The following DENND4A variants were observed in gnomAD, a reference collection of about 807,000 sequenced individuals.
DENND4A encodes the protein C-myc promoter-binding protein.
In DENND4A, 70 loss-of-function variants were observed where a neutral mutation model predicts 199.3. The ratio of observed to expected loss-of-function variants is 0.35; its 90% CI spans 0.29 to 0.43. DENND4A has a LOEUF of 0.43. Ranked by LOEUF, DENND4A falls within the 20% of genes least tolerant of loss-of-function variation. The pLI, the probability that DENND4A is intolerant of heterozygous loss-of-function variation, is 1.00. For missense variants in DENND4A, 1,723 were observed against 2,255.8 expected, an observed-to-expected ratio of 0.76 and a Z score of 4.78; for synonymous variants, 686 against 766.9, an observed-to-expected ratio of 0.89 and a Z score of 1.74.
chr15:65,716,420 A>C (rs1376778697), intron 13 of DENND4A, among the ~76,000 whole-genome samples: 2 of 109,338 alleles, frequency 1.8e-5, no homozygotes, highest in African/African-American at 7.3e-5. Context: ...AACAGTCCCC[A>C]GAGTGTGATG....
At chr15:65,679,282 T>C (rs867001676) in intron 23 of DENND4A, among the ~76,000 whole-genome samples, 4 of 151,006 alleles carry the variant, frequency 2.6e-5, no homozygotes, top group South Asian at 2.1e-4. Flanking sequence ...TTTGTATTTT[T>C]AGTAGAGATG....
intron 25 of DENND4A, 63 bp from the exon 26 acceptor site, chr15:65,670,251 A>ATGGT: frequency 2.3e-6 from 3 of 1,281,260 alleles, no homozygotes; most frequent in Non-Finnish European, 2.1e-6. Flanking sequence ...ATTAAAAACC[A>ATGGT]TTTCAATTCA....
chr15:65,760,414 C>G (rs1443364366), intron 2 of DENND4A, among the ~76,000 whole-genome samples: 1 of 152,180 alleles, frequency 6.6e-6, no homozygotes, highest in Non-Finnish European at 1.5e-5. Flanking sequence ...AGGGGAATTG[C>G]TTGAACCTGG....
intron 23 of DENND4A, among the ~76,000 whole-genome samples, chr15:65,677,927 C>CT (rs11071847): frequency 0.2 from 20,059 of 100,034 alleles, 2,732 homozygotes; most frequent in East Asian, 0.73. Context: ...CCTCTTATCT[C>CT]TTTTTTTTTT....
intron 4 of DENND4A, among the ~76,000 whole-genome samples, chr15:65,748,697 A>C (rs2076479575): frequency 6.6e-6 from 1 of 151,730 alleles, no homozygotes; most frequent in Non-Finnish European, 1.5e-5. Context: ...GTGATTAAAA[A>C]CCCAATTGTT....
chr15:65,729,192 A>G lies in DENND4A; in HGVS notation c.1367T>C (p.Leu456Ser). The G allele has an allele frequency of 6.3e-7, 1 of 1,588,846 alleles. No individual in the cohort carries two copies. Residue 456 changes from leucine to serine, a missense_variant, in exon 11 of 33, where the codon TTA (leucine) becomes TCA (serine). Physicochemically the swap from Leu to Ser is moderately radical, Grantham distance 145 (BLOSUM62 -2). Transcript: ENST00000443035. ...CPYVPLCPLALADVLSAPCPF... is the reference protein window; with the variant it reads ...CPYVPLCPLASADVLSAPCPF... ...ACATGGTGCACTCAAGACATCTGCT[A>G]AAGCCAGTGGGCAGAGAGGAACATA...
intron 14 of DENND4A, among the ~76,000 whole-genome samples, chr15:65,711,859 C>G (rs909731031): frequency 6.6e-6 from 1 of 152,172 alleles, no homozygotes; most frequent in Non-Finnish European, 1.5e-5. Flanking sequence ...CAGGGTCTCA[C>G]TACGTTGCCC....
At chr15:65,738,563 C>T in intron 6 of DENND4A, 143 bp downstream of exon 6, 1 of 663,870 alleles carries the variant, frequency 1.5e-6, no homozygotes, top group Non-Finnish European at 2.3e-6. Flanking sequence ...TTCCTATGTC[C>T]CTGGATACAG....
In DENND4A at chr15:65,733,905, T is replaced by C. The variant is rs1045295480; in HGVS notation, c.1041-1087A>G. On this transcript the variant is annotated intron_variant, in intron 7 of 32. Transcript: ENST00000443035. ...AAGGCAGCATGCTCCTTAACAGTCA[T>C]CACCACTCCCTAATCTCAAGTACCC... Among the ~76,000 whole-genome samples, 7 of 152,248 alleles carry C rather than the reference T, an allele frequency of 4.6e-5. 1 individual carries two copies. Among genetic ancestry groups the C allele is most frequent in the Admixed American group, 2.0e-4 (3 of 15,286 alleles).
intron 1 of DENND4A, chr15:65,771,465 T>C (rs113631262): frequency 6.2e-7 from 1 of 1,608,200 alleles, no homozygotes; most frequent in Admixed American, 1.7e-5. Context: ...GTTTGCCCTG[T>C]TCCAGATCTG....
chr15:65,752,256 T>G, intron 4 of DENND4A, 123 bp downstream of exon 4: 1 of 888,978 alleles, frequency 1.1e-6, no homozygotes, highest in Non-Finnish European at 1.5e-6. Context: ...ATTTTTCAAT[T>G]CTGTAATTAA....
At chr15:65,700,478 A>T (rs1268472390) in intron 20 of DENND4A, 66 bp downstream of exon 20, 2 of 1,088,618 alleles carry the variant, frequency 1.8e-6, no homozygotes, top group Non-Finnish European at 2.4e-6. Context: ...ATGTAAAAAA[A>T]CATAGGCTAG....
At chr15:65,707,111 T>C (rs1021850795) in intron 14 of DENND4A, among the ~76,000 whole-genome samples, 5 of 152,154 alleles carry the variant, frequency 3.3e-5, no homozygotes, top group Non-Finnish European at 7.4e-5. Flanking sequence ...TGTAGACGTA[T>C]ATTTGAGTTA....
intron 14 of DENND4A, among the ~76,000 whole-genome samples, chr15:65,714,717 T>C (rs1051629377): frequency 1.3e-5 from 2 of 152,220 alleles, no homozygotes; most frequent in Admixed American, 6.5e-5. Context: ...TTTGTATGAA[T>C]GCTCTTCTCA....
intron 1 of DENND4A, among the ~76,000 whole-genome samples, chr15:65,777,497 C>T (rs992417110): frequency 6.6e-6 from 1 of 151,910 alleles, no homozygotes; most frequent in Non-Finnish European, 1.5e-5. Flanking sequence ...GGATCACAAG[C>T]ACGCACCACC....
chr15:65,706,256 A>G, intron 14 of DENND4A, 32 bp from the exon 15 acceptor site: 1 of 1,455,208 alleles, frequency 6.9e-7, no homozygotes, highest in Non-Finnish European at 9.1e-7. Context: ...ATATTAAAAA[A>G]GCCACATTGG....
intron 23 of DENND4A, among the ~76,000 whole-genome samples, chr15:65,679,841 G>T (rs1224684845): frequency 2.0e-5 from 3 of 152,154 alleles, no homozygotes; most frequent in African/African-American, 7.2e-5. Context: ...AATTGGAAGA[G>T]AATGTACAGG....
At chr15:65,712,379 T>A (rs909688510) in intron 14 of DENND4A, among the ~76,000 whole-genome samples, 7 of 152,080 alleles carry the variant, frequency 4.6e-5, no homozygotes, top group Non-Finnish European at 7.4e-5. Context: ...GCAAAAACAG[T>A]CATAATATTT....
In DENND4A at chr15:65,691,196, G is replaced by T. The variant is rs2076957966; in HGVS notation, c.3398C>A (p.Ser1133Ter). The change falls in exon 23 of 33, where the codon TCA becomes TAA. Residue 1133 changes from serine (S) to a stop codon, truncating the protein, a stop_gained. Transcript: ENST00000443035. LOFTEE classifies it high-confidence loss of function. Reference protein sequence around the residue: ...TLDIGKPPLRSKRDSLEKESS... With the variant: ...TLDIGKPPLR ...TTCCTTTTCTAGACTGTCTCTTTTT[G>T]ATCTTAAAGGTGGCTTCCCAATATC... 1.2e-6 allele frequency: 2 copies of T among 1,613,102 alleles called. No homozygotes were observed. The highest frequency in any genetic ancestry group is 1.7e-6 in the Non-Finnish European group (2 of 1,179,636).
Sources: gnomAD v4.1 joint callset for allele counts (sites outside exome capture counted in the v4.1 genomes callset) on GRCh38, gnomAD v4.1.1 for gene constraint, MANE v1.5 for transcripts, NCBI Gene and HGNC (gene_info 2026-07-23, HGNC 2026-07-21) for gene names.